The following DENND1A variants were observed in gnomAD, a reference collection of about 807,000 sequenced individuals.
DENND1A encodes DENN domain containing 1A, also known as DENN domain-containing protein 1A.
Under a neutral mutation model 113.7 loss-of-function variants are expected in DENND1A, and 51 were observed. That is an observed-to-expected ratio of 0.45 (90% CI 0.36 to 0.57). The LOEUF (loss-of-function observed/expected upper bound fraction) is 0.57, where lower values mean the gene tolerates loss of function less well. Among genes scored for constraint, DENND1A ranks in the 20% least tolerant of loss-of-function variants. The pLI, the probability that DENND1A is intolerant of heterozygous loss-of-function variation, is 0.00. For synonymous variants in DENND1A, 565 were observed against 570.8 expected (o/e 0.99, Z 0.14); for missense variants, 1,258 against 1,395.9 (o/e 0.90, Z 1.57).
chr9:123,480,330 G>A (rs1413347107), intron 13 of DENND1A, among the ~76,000 whole-genome samples: 1 of 152,170 alleles, frequency 6.6e-6, no homozygotes, highest in Non-Finnish European at 1.5e-5. Flanking sequence ...CTGCCCTTGT[G>A]AGAGGCTTCA....
chr9:123,679,553 T>C (rs1194411793), intron 5 of DENND1A, among the ~76,000 whole-genome samples: 1 of 152,246 alleles, frequency 6.6e-6, no homozygotes, highest in Non-Finnish European at 1.5e-5. Context: ...TGTTGTCCCC[T>C]GTACACTCAC....
intron 9 of DENND1A, among the ~76,000 whole-genome samples, chr9:123,647,588 T>C (rs2062405266): frequency 6.6e-6 from 1 of 152,254 alleles, no homozygotes; most frequent in African/African-American, 2.4e-5. Flanking sequence ...TTTACCTTTG[T>C]AGTTTGTGTG....
Position 123,426,734 on chromosome 9 carries a change from C to A in DENND1A, c.1488+13626G>T, listed in dbSNP as rs544893389. 8.2e-4 allele frequency among the ~76,000 whole-genome samples: 125 copies of A among 152,292 alleles called. No homozygotes were observed. The Middle Eastern group carries it at 0.014, about 17-fold the overall frequency. ...GAGCTTTTCTGGAGACCATAACTTGCACCAAAGAAATTATTTAAAAGGTGA... is the reference window on the plus strand; with the variant it reads ...GAGCTTTTCTGGAGACCATAACTTGAACCAAAGAAATTATTTAAAAGGTGA... On this transcript the variant is annotated intron_variant, in intron 19 of 23. Transcript: ENST00000394215.
intron 12 of DENND1A, among the ~76,000 whole-genome samples, chr9:123,565,117 G>A (rs75816365): frequency 6.6e-6 from 1 of 151,124 alleles, no homozygotes; most frequent in Non-Finnish European, 1.5e-5. Context: ...TCAGCCTCCT[G>A]AGTAGCTGGG....
At chr9:123,852,033 G>C (rs932095333) in intron 2 of DENND1A, among the ~76,000 whole-genome samples, 1 of 152,136 alleles carries the variant, frequency 6.6e-6, no homozygotes, top group Non-Finnish European at 1.5e-5. Context: ...TTTGGGGACC[G>C]CTATTGAGTG....
At chr9:123,700,348 A>G (rs1376544648) in intron 5 of DENND1A, among the ~76,000 whole-genome samples, 2 of 152,206 alleles carry the variant, frequency 1.3e-5, no homozygotes, top group African/African-American at 4.8e-5. Context: ...TGACATCTGT[A>G]TCAGTAACAG....
chr9:123,529,087 G>C (rs2055082053), intron 13 of DENND1A, among the ~76,000 whole-genome samples: 1 of 151,944 alleles, frequency 6.6e-6, no homozygotes, highest in Non-Finnish European at 1.5e-5. Context: ...TTCCTTATAG[G>C]CCTGTGAGTT....
intron 19 of DENND1A, among the ~76,000 whole-genome samples, chr9:123,431,785 A>G (rs773793317): frequency 2.6e-5 from 4 of 152,044 alleles, no homozygotes; most frequent in Admixed American, 1.3e-4. Context: ...TGAGCAATTC[A>G]TCTCCATGCC....
chr9:123,514,607 G>T (rs1265401931), intron 13 of DENND1A, among the ~76,000 whole-genome samples: 3 of 152,136 alleles, frequency 2.0e-5, no homozygotes, highest in South Asian at 2.1e-4. Flanking sequence ...TATAGGCCAG[G>T]TTTTTCACTT....
chr9:123,804,553 T>C lies in DENND1A; in HGVS notation c.89-11923A>G, dbSNP rs12555288. ...TCTTTCAGTCCCATCACTTCAAATA[T>C]GCACTATCAATTTTAAATTTATTTC... is the stretch of plus-strand genomic sequence containing the variant. On this transcript the variant is annotated intron_variant, in intron 2 of 23. Coordinates refer to ENST00000394215, the MANE Select transcript of DENND1A (RefSeq NM_001352964.2). Among the ~76,000 whole-genome samples the C allele has an allele frequency of 3.7e-3, 566 of 152,314 alleles. 21 individuals are homozygous for C. Among genetic ancestry groups the C allele is most frequent in the Admixed American group, 0.032 (496 of 15,296 alleles).
intron 13 of DENND1A, among the ~76,000 whole-genome samples, chr9:123,529,595 G>A (rs145304167): frequency 1.7e-4 from 26 of 152,064 alleles, no homozygotes; most frequent in Middle Eastern, 3.4e-3. Context: ...GAAATTCTGC[G>A]CATCATAAAA....
chr9:123,573,027 G>A (rs1435276970), intron 12 of DENND1A, among the ~76,000 whole-genome samples: 2 of 151,918 alleles, frequency 1.3e-5, no homozygotes, highest in Admixed American at 6.6e-5. Flanking sequence ...GTTCCAGCAC[G>A]TTTGTTGGAA....
intron 8 of DENND1A, among the ~76,000 whole-genome samples, chr9:123,658,316 A>G (rs1281007948): frequency 6.6e-6 from 1 of 152,238 alleles, no homozygotes; most frequent in African/African-American, 2.4e-5. Context: ...AATCCTTTAT[A>G]TAGCTGGTTT....
chr9:123,538,825 T>C lies in DENND1A; in HGVS notation c.993+18745A>G, dbSNP rs1255898796. 1.2e-3 allele frequency among the ~76,000 whole-genome samples: 108 copies of C among 92,200 alleles called. 2 individuals are homozygous for C. The highest frequency in any genetic ancestry group is 1.6e-3 in the Non-Finnish European group (74 of 45,302). 60.5% of individuals were successfully genotyped at this position (92,200 alleles called of 152,430 possible). The stretch of plus-strand genomic sequence containing the variant: ...CAACTCATACATATATATATATATA[T>C]ATATATATATATATATATATATATA... On this transcript the variant is annotated intron_variant, in intron 13 of 23. Coordinates refer to ENST00000394215, the MANE Select transcript of DENND1A (RefSeq NM_001352964.2).
chr9:123,565,317 G>A (rs1434922072), intron 12 of DENND1A, among the ~76,000 whole-genome samples: 1 of 152,142 alleles, frequency 6.6e-6, no homozygotes, highest in East Asian at 1.9e-4. Flanking sequence ...CTATTAGACT[G>A]ACCAGTCTAG....
intron 13 of DENND1A, among the ~76,000 whole-genome samples, chr9:123,477,329 T>C (rs1422862243): frequency 1.3e-5 from 2 of 152,080 alleles, no homozygotes; most frequent in Non-Finnish European, 2.9e-5. Context: ...GGCGGGAGAA[T>C]TGCTTTAAGC....
At chr9:123,408,105 A>T (rs10818817) in intron 20 of DENND1A, among the ~76,000 whole-genome samples, 1 of 152,000 alleles carries the variant, frequency 6.6e-6, no homozygotes, top group Non-Finnish European at 1.5e-5. Flanking sequence ...GACCCTCCCC[A>T]GCCCCTGCTA....
intron 1 of DENND1A, among the ~76,000 whole-genome samples, chr9:123,920,801 G>A (rs890834854): frequency 6.6e-6 from 1 of 151,232 alleles, no homozygotes; most frequent in Admixed American, 6.6e-5. Context: ...TCGAACTCCT[G>A]ACTTCAAATG....
intron 13 of DENND1A, among the ~76,000 whole-genome samples, chr9:123,500,350 TA>T (rs1382100315): frequency 6.6e-6 from 1 of 152,172 alleles, no homozygotes; most frequent in Non-Finnish European, 1.5e-5. Context: ...AGGGTGGAAT[TA>T]GATTTTTCTT....
Sources: gnomAD v4.1 joint callset for allele counts (sites outside exome capture counted in the v4.1 genomes callset) on GRCh38, gnomAD v4.1.1 for gene constraint, MANE v1.5 for transcripts, NCBI Gene and HGNC (gene_info 2026-07-23, HGNC 2026-07-21) for gene names.